DCC: variants seen among roughly 807,000 people sequenced by gnomAD.
DCC encodes the protein DCC netrin 1 receptor.
In DCC, 58 loss-of-function variants were observed where a neutral mutation model predicts 172.5. The observed-to-expected ratio is 0.34, with a 90% CI of 0.27 to 0.42. The LOEUF is 0.42. DCC is among the 10% of genes least tolerant of loss of function. The pLI is 1.00. For synonymous variants in DCC, 709 were observed against 644.5 expected (o/e 1.10, Z -1.52); for missense variants, 1,740 against 1,791.0 (o/e 0.97, Z 0.51).
At chr18:53,389,471 A>G (rs1908404318) in intron 16 of DCC, among the ~76,000 whole-genome samples, 1 of 152,182 alleles carries the variant, frequency 6.6e-6, no homozygotes, top group South Asian at 2.1e-4. Flanking sequence ...TTTTATAGCA[A>G]TTTAACACTT....
At chr18:53,278,119 A>G (rs994774349) in intron 12 of DCC, among the ~76,000 whole-genome samples, 1 of 152,172 alleles carries the variant, frequency 6.6e-6, no homozygotes, top group African/African-American at 2.4e-5. Context: ...TAGTGTATAT[A>G]TGACACAATA....
At chr18:53,362,207 C>T (rs1285157107) in intron 15 of DCC, among the ~76,000 whole-genome samples, 1 of 152,136 alleles carries the variant, frequency 6.6e-6, no homozygotes, top group Non-Finnish European at 1.5e-5. Context: ...ATTTTGATCA[C>T]AACTGTAGGA....
At chr18:53,435,383 A>C (rs1052499109) in intron 22 of DCC, among the ~76,000 whole-genome samples, 174 bp downstream of exon 22, 1 of 152,176 alleles carries the variant, frequency 6.6e-6, no homozygotes, top group African/African-American at 2.4e-5. Flanking sequence ...AACAAAAAAA[A>C]CAAAAAACTT....
intron 9 of DCC, among the ~76,000 whole-genome samples, chr18:53,203,982 A>G (rs950980210): frequency 4.6e-5 from 7 of 152,228 alleles, no homozygotes; most frequent in Admixed American, 4.6e-4. Flanking sequence ...CACATTCTGT[A>G]TCTGAACCTG....
intron 5 of DCC, among the ~76,000 whole-genome samples, chr18:52,929,304 G>A (rs11662873): frequency 0.39 from 59,664 of 151,948 alleles, 12,321 homozygotes; most frequent in Non-Finnish European, 0.47. Flanking sequence ...ATGCTTTACT[G>A]TCTGCCCTGT....
intron 2 of DCC, among the ~76,000 whole-genome samples, chr18:52,839,149 TTAG>T (rs527651546): frequency 7.4e-4 from 112 of 152,328 alleles, no homozygotes; most frequent in African/African-American, 2.5e-3. Context: ...AACGTTTTAC[TTAG>T]TAGGAGAAAT....
intron 9 of DCC, among the ~76,000 whole-genome samples, chr18:53,183,531 T>A (rs2055231092): frequency 6.6e-6 from 1 of 152,094 alleles, no homozygotes; most frequent in Non-Finnish European, 1.5e-5. Flanking sequence ...TCATAAAGGA[T>A]GTTAAAATGG....
chr18:53,025,497 G>C (rs1195937910), intron 5 of DCC, among the ~76,000 whole-genome samples: 1 of 152,008 alleles, frequency 6.6e-6, no homozygotes, highest in Non-Finnish European at 1.5e-5. Context: ...TTGAGGCGCA[G>C]CCCACTAGTA....
chr18:53,351,466 G>GTATA (rs58177961), intron 15 of DCC, among the ~76,000 whole-genome samples: 8 of 37,310 alleles, frequency 2.1e-4, no homozygotes, highest in African/African-American at 7.0e-4. Flanking sequence ...TACACAGTGT[G>GTATA]TATATATATA....
chr18:52,819,015 T>A (rs538782842), intron 2 of DCC, among the ~76,000 whole-genome samples: 1 of 152,174 alleles, frequency 6.6e-6, no homozygotes, highest in Non-Finnish European at 1.5e-5. Context: ...AGCATTTAAG[T>A]GAACATCATA....
chr18:52,744,002 A>G (rs1479521353), intron 1 of DCC, among the ~76,000 whole-genome samples: 1 of 152,208 alleles, frequency 6.6e-6, no homozygotes, highest in Non-Finnish European at 1.5e-5. Context: ...GTGACAACTG[A>G]GGAGCACAGT....
At chr18:53,332,777 T>C (rs753413376) in intron 14 of DCC, among the ~76,000 whole-genome samples, 2 of 131,656 alleles carry the variant, frequency 1.5e-5, no homozygotes, top group African/African-American at 5.7e-5. Context: ...ATACCAAAAT[T>C]TTACCCATTT....
rs532004073 is a variant in DCC, at chr18:52,820,058, T to C, written c.412+67684T>C. Among the ~76,000 whole-genome samples, 169 of 152,066 alleles carry C rather than the reference T, an allele frequency of 1.1e-3. 1 individual carries two copies. The highest frequency in any genetic ancestry group is 2.2e-3 in the Non-Finnish European group (150 of 67,980). ...TCATATTATTTTTTCAACGTGGGAGTGAGCATGATTGTTGGGTAAATAATT... is the reference window on the plus strand; with the variant it reads ...TCATATTATTTTTTCAACGTGGGAGCGAGCATGATTGTTGGGTAAATAATT... On this transcript the variant is annotated intron_variant, in intron 2 of 28. Coordinates refer to ENST00000442544, the MANE Select transcript of DCC (RefSeq NM_005215.4).
At chr18:52,987,752 G>T (rs2041318579) in intron 5 of DCC, among the ~76,000 whole-genome samples, 1 of 152,138 alleles carries the variant, frequency 6.6e-6, no homozygotes, top group Admixed American at 6.5e-5. Context: ...AATGGTCATT[G>T]ACTTTTTTCT....
At chr18:52,529,594 G>A (rs1292161167) in intron 1 of DCC, among the ~76,000 whole-genome samples, 1 of 152,182 alleles carries the variant, frequency 6.6e-6, no homozygotes, top group Non-Finnish European at 1.5e-5. Context: ...CCGTGAAGCA[G>A]CTGTTTACTG....
intron 1 of DCC, among the ~76,000 whole-genome samples, chr18:52,727,853 A>G (rs577883659): frequency 8.5e-5 from 13 of 152,180 alleles, no homozygotes; most frequent in African/African-American, 3.1e-4. Flanking sequence ...TTTTTAAAAT[A>G]TCTTTGGGTT....
intron 1 of DCC, among the ~76,000 whole-genome samples, chr18:52,405,131 A>C (rs1986592970): frequency 6.6e-6 from 1 of 151,068 alleles, no homozygotes; most frequent in South Asian, 2.1e-4. Context: ...ATATGTGTGC[A>C]TGTGTCTTTA....
chr18:52,905,212 G>A (rs1197880271), intron 2 of DCC, among the ~76,000 whole-genome samples: 2 of 152,190 alleles, frequency 1.3e-5, no homozygotes, highest in Non-Finnish European at 2.9e-5. Context: ...ATGCTTGTAT[G>A]TAATGGCCAG....
rs1388229446 is a variant in DCC, at chr18:53,485,895, T to A, written c.3737-902T>A. Among the ~76,000 whole-genome samples, 3 of 152,154 alleles carry A rather than the reference T, an allele frequency of 2.0e-5. No homozygotes were observed. The East Asian group carries it at 5.8e-4, about 29-fold the overall frequency. ...GCATGCATGTATGTGTATGTTGAAC[T>A]CCAGTTATTGGCATTACCATCTAAA... On this transcript the variant is annotated intron_variant, in intron 25 of 28. Coordinates refer to ENST00000442544, the MANE Select transcript of DCC (RefSeq NM_005215.4).
Sources: allele counts gnomAD v4.1 joint callset (sites outside exome capture counted in the v4.1 genomes callset), GRCh38; gene constraint gnomAD v4.1.1; transcripts MANE v1.5; gene names NCBI Gene and HGNC (gene_info 2026-07-23, HGNC 2026-07-21).